Variants in HGSNAT observed in about 807,000 individuals in gnomAD.
HGSNAT encodes the protein heparan-alpha-glucosaminide N-acetyltransferase, also known as transmembrane protein 76.
HGSNAT carries 59 observed loss-of-function variants against 85.2 expected under a neutral mutation model. The observed-to-expected ratio is 0.69, with a 90% confidence interval of 0.56 to 0.86. HGSNAT has a LOEUF of 0.86. HGSNAT is among the 40% of genes least tolerant of loss of function. The pLI, the probability that HGSNAT is intolerant of heterozygous loss-of-function variation, is 0.00. For synonymous variants in HGSNAT, 321 were observed against 304.5 expected, an observed-to-expected ratio of 1.05 and a Z score of -0.56; for missense variants, 756 against 777.1, an observed-to-expected ratio of 0.97 and a Z score of 0.32.
At chr8:43,168,340 G>T (rs1342366217) in intron 5 of HGSNAT, among the ~76,000 whole-genome samples, 2 of 145,706 alleles carry the variant, frequency 1.4e-5, no homozygotes, top group East Asian at 4.1e-4. Flanking sequence ...GTTTGTAATT[G>T]AATGTAAATG....
chr8:43,197,477 G>T, intron 15 of HGSNAT, 195 bp from the exon 16 acceptor site: 1 of 594,802 alleles, frequency 1.7e-6, no homozygotes, highest in Non-Finnish European at 3.0e-6. Flanking sequence ...CAGTAGAATG[G>T]TGAAGAGATT....
chr8:43,189,270 G>A (rs966303128), intron 11 of HGSNAT, among the ~76,000 whole-genome samples: 5 of 152,284 alleles, frequency 3.3e-5, no homozygotes, highest in South Asian at 2.1e-4. Context: ...CTTGAGCTGC[G>A]GTGGGCTCCA....
chr8:43,148,796 G>GAAAAAA (rs953905178), intron 2 of HGSNAT, among the ~76,000 whole-genome samples: 1 of 114,004 alleles, frequency 8.8e-6, no homozygotes, highest in African/African-American at 3.2e-5. Context: ...TCCGTCTCAA[G>GAAAAAA]AAAAAAAAAA....
intron 7 of HGSNAT, among the ~76,000 whole-genome samples, chr8:43,171,337 C>CACCT (rs1433925026): frequency 6.6e-6 from 1 of 152,188 alleles, no homozygotes; most frequent in Non-Finnish European, 1.5e-5. Context: ...AGATTGGAAG[C>CACCT]AGGTAGTAAG....
intron 1 of HGSNAT, among the ~76,000 whole-genome samples, chr8:43,140,878 C>T (rs1255161249): frequency 1.3e-5 from 2 of 152,154 alleles, no homozygotes; most frequent in East Asian, 3.9e-4. Flanking sequence ...CAGGCGGCGC[C>T]CACCCCAGCG....
intron 4 of HGSNAT, among the ~76,000 whole-genome samples, chr8:43,160,697 A>T (rs1803241607): frequency 6.6e-6 from 1 of 152,196 alleles, no homozygotes; most frequent in Non-Finnish European, 1.5e-5. Flanking sequence ...CATAATATTG[A>T]TACAGTACTG....
At chr8:43,144,312 G>A (rs902390947) in intron 1 of HGSNAT, among the ~76,000 whole-genome samples, 2 of 146,962 alleles carry the variant, frequency 1.4e-5, no homozygotes, top group African/African-American at 5.1e-5. Flanking sequence ...GAGACAGAGC[G>A]AGACTCTGTC....
intron 6 of HGSNAT, 94 bp from the exon 7 acceptor site, chr8:43,170,481 AAAAACAAAAC>A (rs536945546): frequency 2.5e-5 from 28 of 1,119,864 alleles, no homozygotes; most frequent in South Asian, 1.2e-4. Flanking sequence ...CTCTGTCTCA[AAAAACAAAAC>A]AAAACAAAAC....
Position 43,189,578 on chromosome 8 carries a change from C to G in HGSNAT, c.1129-1896C>G, listed in dbSNP as rs149020066. Among the ~76,000 whole-genome samples, 666 of 152,290 alleles carry G rather than the reference C, an allele frequency of 4.4e-3. 8 individuals are homozygous for G. The highest frequency in any genetic ancestry group is 0.015 in the African/African-American group (637 of 41,562). Reference sequence around the variant, plus strand: ...AAAGGGAATTATCCGACCTCTTGCACTTGGGGTGATGCTCCACCCTGCTCC... The same window carrying G: ...AAAGGGAATTATCCGACCTCTTGCAGTTGGGGTGATGCTCCACCCTGCTCC... On this transcript the variant is annotated intron_variant, in intron 11 of 17. Transcript: ENST00000379644.
chr8:43,198,280 C>CTTTTT (rs59416007), intron 17 of HGSNAT, among the ~76,000 whole-genome samples: 19 of 90,330 alleles, frequency 2.1e-4, no homozygotes, highest in African/African-American at 4.0e-4. Flanking sequence ...GTTTCTGGTT[C>CTTTTT]TTTTTTTTTT....
intron 11 of HGSNAT, among the ~76,000 whole-genome samples, chr8:43,182,697 C>T (rs1222993269): frequency 1.3e-5 from 2 of 150,910 alleles, no homozygotes; most frequent in South Asian, 2.1e-4. Flanking sequence ...CTTCCTGCCT[C>T]GGCCTCACAA....
intron 7 of HGSNAT, among the ~76,000 whole-genome samples, chr8:43,171,420 G>A (rs1018068752): frequency 7.2e-5 from 11 of 152,096 alleles, no homozygotes; most frequent in African/African-American, 2.2e-4. Flanking sequence ...GTTCTAACTC[G>A]TCTTAATTTA....
chr8:43,172,277 C>T (rs757103938), intron 7 of HGSNAT, 33 bp from the exon 8 acceptor site: 1 of 1,502,654 alleles, frequency 6.7e-7, no homozygotes, highest in Non-Finnish European at 9.3e-7. Context: ...CATAGCAAAC[C>T]CTGAAAGGCT....
chr8:43,144,367 T>C (rs984910581), intron 1 of HGSNAT, among the ~76,000 whole-genome samples: 1 of 151,954 alleles, frequency 6.6e-6, no homozygotes, highest in Non-Finnish European at 1.5e-5. Flanking sequence ...TTCCCGATCC[T>C]GAAGAGGCTC....
chr8:43,163,367 C>G (rs1307392985), intron 5 of HGSNAT, among the ~76,000 whole-genome samples: 1 of 152,002 alleles, frequency 6.6e-6, no homozygotes, highest in Non-Finnish European at 1.5e-5. Flanking sequence ...TTCCAACATA[C>G]CCAGGGAGGT....
intron 9 of HGSNAT, among the ~76,000 whole-genome samples, chr8:43,174,468 T>G (rs958975985): frequency 6.6e-5 from 10 of 152,190 alleles, no homozygotes; most frequent in African/African-American, 2.4e-4. Context: ...AACAGTTGAG[T>G]AGCTCAATTC....
At chr8:43,194,497 C>T in intron 14 of HGSNAT, 1 of 985,402 alleles carries the variant, frequency 1.0e-6, no homozygotes, top group Non-Finnish European at 1.2e-6. Flanking sequence ...CTTTCATGTA[C>T]ACTCATATTA....
At chr8:43,140,669 TC>T (rs1802489089) in intron 1 of HGSNAT, 55 bp downstream of exon 1, 7 of 902,380 alleles carry the variant, frequency 7.8e-6, no homozygotes, top group Non-Finnish European at 7.2e-6. Context: ...GCGTCTCCTC[TC>T]CGCGGCGCCG....
intron 1 of HGSNAT, among the ~76,000 whole-genome samples, chr8:43,146,362 C>T (rs1385531966): frequency 2.6e-5 from 4 of 152,244 alleles, no homozygotes; most frequent in Admixed American, 2.6e-4. Context: ...ACCTGTCTGA[C>T]TCAAGCAGGT....
Sources: allele counts gnomAD v4.1 joint callset (sites outside exome capture counted in the v4.1 genomes callset), GRCh38; gene constraint gnomAD v4.1.1; transcripts MANE v1.5; gene names NCBI Gene and HGNC (gene_info 2026-07-23, HGNC 2026-07-21).